MCTP1: variants seen among roughly 807,000 people sequenced by gnomAD.
MCTP1 encodes multiple C2 and transmembrane domain-containing protein 1.
Under a neutral mutation model 120.6 loss-of-function variants are expected in MCTP1, and 69 were observed. The observed-to-expected ratio is 0.57, with a 90% CI of 0.47 to 0.70. MCTP1 has a LOEUF of 0.70. MCTP1 is among the 30% of genes least tolerant of loss of function. MCTP1 has a pLI of 0.00. For synonymous variants in MCTP1, 529 were observed against 493.1 expected, an observed-to-expected ratio of 1.07 and a Z score of -0.96; for missense variants, 1,203 against 1,248.8, an observed-to-expected ratio of 0.96 and a Z score of 0.55.
intron 5 of MCTP1, among the ~76,000 whole-genome samples, chr5:94,939,280 A>G (rs1816964379): frequency 6.6e-6 from 1 of 152,052 alleles, no homozygotes; most frequent in African/African-American, 2.4e-5. Flanking sequence ...TAGGACAGCA[A>G]TACATACATT....
intron 2 of MCTP1, among the ~76,000 whole-genome samples, chr5:94,961,379 A>G (rs551090061): frequency 1.3e-5 from 2 of 152,236 alleles, no homozygotes; most frequent in East Asian, 1.9e-4. Flanking sequence ...ACAAATCTGC[A>G]CGTTCTGAAC....
intron 1 of MCTP1, among the ~76,000 whole-genome samples, chr5:95,164,385 T>G (rs1436442968): frequency 1.3e-5 from 2 of 152,186 alleles, no homozygotes; most frequent in Non-Finnish European, 2.9e-5. Flanking sequence ...TCTTAAACTC[T>G]GCAACTTACC....
At chr5:94,792,123 T>A (rs1352297236) in intron 18 of MCTP1, 1 of 152,562 alleles carries the variant, frequency 6.6e-6, no homozygotes, top group Admixed American at 6.5e-5. Flanking sequence ...AAACTCTTCA[T>A]GTGCGGCACC....
chr5:94,916,538 T>C (rs575343664), intron 8 of MCTP1, among the ~76,000 whole-genome samples: 1 of 152,292 alleles, frequency 6.6e-6, no homozygotes, highest in South Asian at 2.1e-4. Flanking sequence ...CTTTTACTTA[T>C]TTTCAGAATC....
At chr5:95,058,006 T>TACA (rs149279707) in intron 1 of MCTP1, among the ~76,000 whole-genome samples, 36 of 152,248 alleles carry the variant, frequency 2.4e-4, no homozygotes, top group East Asian at 1.2e-3. Context: ...TTAATTAAAT[T>TACA]ACAACAACAA....
chr5:94,775,204 A>G (rs1020500477), intron 19 of MCTP1, among the ~76,000 whole-genome samples: 3 of 152,248 alleles, frequency 2.0e-5, no homozygotes, highest in African/African-American at 7.2e-5. Context: ...TCTTTTATCA[A>G]TAAACATTAC....
intron 1 of MCTP1, among the ~76,000 whole-genome samples, chr5:95,175,825 C>A (rs1747907477): frequency 6.6e-6 from 1 of 152,186 alleles, no homozygotes; most frequent in Non-Finnish European, 1.5e-5. Context: ...ACATGCTTCC[C>A]CCAGTGAATT....
At chr5:94,905,187 G>A (rs191138008) in intron 10 of MCTP1, among the ~76,000 whole-genome samples, 16 of 152,216 alleles carry the variant, frequency 1.1e-4, no homozygotes, top group African/African-American at 3.9e-4. Context: ...TGTCTGGTAT[G>A]CCTTGAGGAA....
chr5:94,971,136 G>A (rs973295082), intron 2 of MCTP1, among the ~76,000 whole-genome samples: 2 of 151,988 alleles, frequency 1.3e-5, no homozygotes, highest in Admixed American at 6.6e-5. Context: ...GTTGTATACA[G>A]TTTTGTATCC....
At chr5:95,114,587 G>A (rs1287710493) in intron 1 of MCTP1, among the ~76,000 whole-genome samples, 1 of 152,196 alleles carries the variant, frequency 6.6e-6, no homozygotes, top group Non-Finnish European at 1.5e-5. Context: ...GGGGAGGGAA[G>A]AGCAGAAGGG....
chr5:95,213,557 T>A (rs975506391), intron 1 of MCTP1, among the ~76,000 whole-genome samples: 9 of 151,840 alleles, frequency 5.9e-5, no homozygotes, highest in Non-Finnish European at 1.3e-4. Flanking sequence ...CATCGCCAAG[T>A]CAATCCTAAG....
At chr5:95,259,941 T>C (rs1347553981) in intron 1 of MCTP1, among the ~76,000 whole-genome samples, 1 of 152,212 alleles carries the variant, frequency 6.6e-6, no homozygotes, top group African/African-American at 2.4e-5. Context: ...GCATTAGATA[T>C]GCTTACCGCA....
At chr5:94,947,098 T>C (rs1294794257) in intron 3 of MCTP1, among the ~76,000 whole-genome samples, 1 of 152,298 alleles carries the variant, frequency 6.6e-6, no homozygotes, top group African/African-American at 2.4e-5. Flanking sequence ...TTTTGTTGCC[T>C]AGGCATTTTG....
chr5:94,798,001 C>A (rs1780436334), intron 18 of MCTP1, among the ~76,000 whole-genome samples: 1 of 151,488 alleles, frequency 6.6e-6, no homozygotes, highest in African/African-American at 2.4e-5. Flanking sequence ...AGCTGATGAT[C>A]AAATAATTCT....
At chr5:95,114,992 C>A (rs750528893) in intron 1 of MCTP1, among the ~76,000 whole-genome samples, 1 of 152,134 alleles carries the variant, frequency 6.6e-6, no homozygotes, top group Non-Finnish European at 1.5e-5. Context: ...TTGGTAATCC[C>A]GAGAATACTT....
intron 19 of MCTP1, among the ~76,000 whole-genome samples, chr5:94,749,976 G>A (rs778206143): frequency 2.6e-5 from 4 of 152,190 alleles, no homozygotes; most frequent in South Asian, 2.1e-4. Flanking sequence ...TCCAGAGCCC[G>A]AAAAACTATT....
intron 1 of MCTP1, among the ~76,000 whole-genome samples, chr5:95,022,357 C>T (rs146219652): frequency 5.9e-5 from 9 of 152,272 alleles, no homozygotes; most frequent in South Asian, 2.1e-4. Context: ...CTTGTATCTT[C>T]GTCCTTCACT....
Position 95,283,890 on chromosome 5 carries a change from G to A in MCTP1, c.686C>T (p.Ala229Val), listed in dbSNP as rs994941054. 7.2e-6 allele frequency: 10 copies of A among 1,383,568 alleles called. 1 individual carries two copies. In the Admixed American group the frequency reaches 1.1e-4, roughly 15 times the overall value. The allele number at this position is 1,383,568 out of a possible 1,614,324, so 85.7% of individuals were successfully genotyped here. A position where few individuals can be genotyped will look rare whatever the true frequency, so the allele number is the denominator to read the frequency against. Residue 229 changes from alanine (A) to valine (V), a missense_variant, in exon 1 of 23, where the codon GCC becomes GTC. By Grantham distance (64) the Ala-to-Val change is moderately conservative. Around this residue, in one of 2 missense-constraint regions of MCTP1, gnomAD observed 463 missense variants for 377.8 expected, o/e 1.23. Transcript: ENST00000515393. ...EPARSPAESR[A>V]PETGEEHGSS... ...GCCGTGCTCCTCGCCCGTCTCCGGG[G>A]CCCGAGACTCCGCGGGACTCCGCGC...
Position 94,929,658 on chromosome 5 carries a change from G to A in MCTP1, c.1212+2295C>T, listed in dbSNP as rs1449207025. ...AGTTTCCCAGGAAGCACAATTTACC[G>A]GAGGAAAAGATTCAGGGAGCAGTTT... On this transcript the variant is annotated intron_variant, in intron 6 of 22. Coordinates refer to ENST00000515393, the MANE Select transcript of MCTP1 (RefSeq NM_024717.7). 18 of 984,862 alleles carry A rather than the reference G, an allele frequency of 1.8e-5. No individual in the cohort carries two copies. In the East Asian group the frequency reaches 4.5e-4, roughly 25 times the overall value. 61.0% of individuals were successfully genotyped at this position (984,862 alleles called of 1,614,324 possible).
Sources: gnomAD v4.1 joint callset for allele counts (sites outside exome capture counted in the v4.1 genomes callset) on GRCh38, gnomAD v4.1.1 for gene constraint, gnomAD v4.1.1 regional missense constraint, MANE v1.5 for transcripts, NCBI Gene and HGNC (gene_info 2026-07-23, HGNC 2026-07-21) for gene names.